LPP: variants seen among roughly 807,000 people sequenced by gnomAD.
LPP encodes lipoma-preferred partner.
In LPP, 38 loss-of-function variants were observed where a neutral mutation model predicts 60.4. That is an observed-to-expected ratio of 0.63 (90% CI 0.49 to 0.83). The LOEUF (loss-of-function observed/expected upper bound fraction) is 0.83, where lower values mean the gene tolerates loss of function less well. Among genes scored for constraint, LPP ranks in the 40% least tolerant of loss-of-function variants. LPP has a pLI of 0.00. For missense variants in LPP, 902 were observed against 783.6 expected (o/e 1.15, Z -1.80); for synonymous variants, 328 against 290.8 (o/e 1.13, Z -1.30).
At chr3:188,351,281 G>C (rs78442213) in intron 3 of LPP, among the ~76,000 whole-genome samples, 8,863 of 152,028 alleles carry the variant, frequency 0.058, 680 homozygotes, top group African/African-American at 0.18. Flanking sequence ...AAAGAATTTC[G>C]GAACTGGAAA....
intron 3 of LPP, among the ~76,000 whole-genome samples, chr3:188,379,863 G>T (rs1007929068): frequency 7.9e-5 from 12 of 152,196 alleles, no homozygotes; most frequent in African/African-American, 2.9e-4. Flanking sequence ...ACCACGGTCT[G>T]TGTTTGAAAG....
chr3:188,808,480 G>GT, intron 9 of LPP, among the ~76,000 whole-genome samples: 1 of 152,036 alleles, frequency 6.6e-6, no homozygotes, highest in African/African-American at 2.4e-5. Flanking sequence ...CCTATGATGA[G>GT]TTATCACTGG....
chr3:188,340,848 G>A (rs1263565125), intron 2 of LPP, among the ~76,000 whole-genome samples: 1 of 152,150 alleles, frequency 6.6e-6, no homozygotes, highest in African/African-American at 2.4e-5. Context: ...CTTGCCTAAT[G>A]TGCTTATAAT....
chr3:188,333,330 A>G (rs1174860898), intron 2 of LPP, among the ~76,000 whole-genome samples: 1 of 152,198 alleles, frequency 6.6e-6, no homozygotes, highest in Non-Finnish European at 1.5e-5. Context: ...TTTTATTTAT[A>G]TCACAAGACC....
At chr3:188,629,023 G>A (rs1847370491) in intron 7 of LPP, among the ~76,000 whole-genome samples, 2 of 151,954 alleles carry the variant, frequency 1.3e-5, no homozygotes, top group Non-Finnish European at 2.9e-5. Context: ...CATCTCAACA[G>A]ATGCAAAAAA....
chr3:188,807,034 C>T (rs1749358690), intron 9 of LPP, among the ~76,000 whole-genome samples: 1 of 151,562 alleles, frequency 6.6e-6, no homozygotes, highest in Non-Finnish European at 1.5e-5. Flanking sequence ...GCTTGAAGAG[C>T]TCCCTTCAAT....
At chr3:188,763,614 A>G (rs1359699837) in intron 9 of LPP, among the ~76,000 whole-genome samples, 1 of 151,936 alleles carries the variant, frequency 6.6e-6, no homozygotes, top group African/African-American at 2.4e-5. Flanking sequence ...TTTGTTTTCT[A>G]TTTTTTATTT....
intron 6 of LPP, among the ~76,000 whole-genome samples, chr3:188,607,893 A>G (rs1419249262): frequency 3.3e-5 from 5 of 152,154 alleles, no homozygotes; most frequent in African/African-American, 9.7e-5. Context: ...ATATGCAAAT[A>G]TGTTATTTTT....
rs1560308387 is a variant in LPP at position 188,862,727 on chromosome 3, ATAAATAAATAAAAG to A, written c.1411-3472_1411-3459del. Among the ~76,000 whole-genome samples, 88 of 85,538 alleles carry A rather than the reference ATAAATAAATAAAAG, an allele frequency of 1.0e-3. 6 individuals are homozygous for A. The highest frequency in any genetic ancestry group is 9.7e-3 in the South Asian group (28 of 2,882). 56.1% of individuals were successfully genotyped at this position (85,538 alleles called of 152,430 possible). On this transcript the variant is annotated intron_variant, in intron 9 of 11. Coordinates refer to ENST00000617246, the MANE Select transcript of LPP (RefSeq NM_001375462.1). ...CCCTACTAGACAAAAAAATAAATAA[ATAAATAAATAAAAG>A]AAAAAAGAAAAGAAAGAAAGAAAAA...
At chr3:188,542,641 C>T (rs756733665) in intron 6 of LPP, among the ~76,000 whole-genome samples, 1 of 152,186 alleles carries the variant, frequency 6.6e-6, no homozygotes, top group Non-Finnish European at 1.5e-5. Flanking sequence ...TCATAACATC[C>T]TTTTATGCAA....
intron 2 of LPP, among the ~76,000 whole-genome samples, chr3:188,276,695 T>TCTCTCTCTCTCTCTCTC (rs1739908128): frequency 3.7e-4 from 6 of 16,414 alleles, no homozygotes; most frequent in Admixed American, 2.3e-3. Context: ...CTCTCTCTCT[T>TCTCTCTCTCTCTCTCTC]TCTCTCTCTC....
At position 188,882,827 on chromosome 3, in the gene LPP, T is replaced by C. The variant is rs1311660336; in HGVS notation, c.*8348T>C. The stretch of plus-strand genomic sequence containing the variant: ...AATCTCGGCTCACTGCAAGCTCCGC[T>C]TCTCGGGTTCACGCCATTCTCCTGC... On this transcript the variant is annotated 3_prime_UTR_variant, in exon 12 of 12. Transcript: ENST00000617246. 5.5e-6 allele frequency: 1 copy of C among 181,384 alleles called. No individual in the cohort carries two copies. Among genetic ancestry groups the C allele is most frequent in the Non-Finnish European group, 1.2e-5 (1 of 85,078 alleles). The allele number at this position is 181,384 out of a possible 1,614,324, so 11.2% of individuals were successfully genotyped here.
At chr3:188,866,426 C>T (rs997279252) in intron 10 of LPP, 48 bp downstream of exon 10, 2 of 1,338,732 alleles carry the variant, frequency 1.5e-6, no homozygotes, top group Non-Finnish European at 2.0e-6. Context: ...CTTTTGGAGT[C>T]TGTTCTTACT....
intron 6 of LPP, among the ~76,000 whole-genome samples, chr3:188,583,751 G>A (rs547890274): frequency 2.6e-5 from 4 of 152,208 alleles, no homozygotes; most frequent in East Asian, 1.9e-4. Context: ...TGACTGTCTC[G>A]CCAGTGCACA....
At chr3:188,550,300 C>T (rs147505873) in intron 6 of LPP, among the ~76,000 whole-genome samples, 1 of 152,130 alleles carries the variant, frequency 6.6e-6, no homozygotes, top group East Asian at 1.9e-4. Flanking sequence ...AATCAAGGGC[C>T]AGGTGCAGTG....
At chr3:188,323,535 C>A (rs1436065097) in intron 2 of LPP, among the ~76,000 whole-genome samples, 1 of 152,110 alleles carries the variant, frequency 6.6e-6, no homozygotes, top group Non-Finnish European at 1.5e-5. Flanking sequence ...TAAACAGAGG[C>A]CATGGAAAAG....
chr3:188,706,356 A>T (rs1865481621), intron 7 of LPP, among the ~76,000 whole-genome samples: 1 of 152,204 alleles, frequency 6.6e-6, no homozygotes, highest in Admixed American at 6.5e-5. Flanking sequence ...CATATGCCAT[A>T]GTTTACTCAT....
Position 188,609,600 on chromosome 3 carries a change from C to CT in LPP, c.869_870insT (p.Asn292GlnfsTer7). 1.2e-6 allele frequency: 2 copies of CT among 1,614,148 alleles called. No homozygotes were observed. Among genetic ancestry groups the CT allele is most frequent in the Non-Finnish European group, 1.7e-6 (2 of 1,180,032 alleles). On this transcript the variant is annotated frameshift_variant, in exon 7 of 12. Coordinates refer to ENST00000617246, the MANE Select transcript of LPP (RefSeq NM_001375462.1). LOFTEE classifies it high-confidence loss of function. The surrounding 1 kb of genome is among the most constrained non-coding windows in gnomAD (Gnocchi z 6.9). The stretch of plus-strand genomic sequence containing the variant: ...CAGCCGGAGCCTGGGTATGGGTATG[C>CT]CCCCAACCAGGGACGCTATTATGAA...
intron 6 of LPP, among the ~76,000 whole-genome samples, chr3:188,608,709 C>A (rs1842992554): frequency 6.6e-6 from 1 of 152,092 alleles, no homozygotes; most frequent in Non-Finnish European, 1.5e-5. Flanking sequence ...TGTAAAACTT[C>A]ATTTTGGTAT....
Sources: allele counts gnomAD v4.1 joint callset (sites outside exome capture counted in the v4.1 genomes callset), GRCh38; gene constraint gnomAD v4.1.1; non-coding constraint Gnocchi (gnomAD v3.1); transcripts MANE v1.5; gene names NCBI Gene and HGNC (gene_info 2026-07-23, HGNC 2026-07-21).